Variants in KPNA7 observed in about 807,000 individuals in gnomAD.
The protein encoded by KPNA7 is importin subunit alpha-8.
A neutral mutation model predicts 53.7 loss-of-function variants in KPNA7; 54 were observed. The observed-to-expected ratio is 1.01, with a 90% CI of 0.81 to 1.26. KPNA7 has a LOEUF of 1.26. Ranked by LOEUF, KPNA7 falls within the 50% of genes most tolerant of loss-of-function variation. The pLI, the probability that KPNA7 is intolerant of heterozygous loss-of-function variation, is 0.00. For missense variants in KPNA7, 640 were observed against 644.5 expected (o/e 0.99, Z 0.07); for synonymous variants, 276 against 259.3 (o/e 1.06, Z -0.62).
chr7:99,185,283 C>G, intron 7 of KPNA7, 121 bp from the exon 8 acceptor site: 1 of 688,724 alleles, frequency 1.5e-6, no homozygotes, highest in Non-Finnish European at 2.5e-6. Context: ...TGTCTGACAG[C>G]CTGTGAACAG....
the KPNA7 span, among the ~76,000 whole-genome samples, chr7:99,151,558 C>T: frequency 1.3e-5 from 2 of 151,448 alleles, no homozygotes; most frequent in African/African-American, 4.8e-5. Flanking sequence ...TTGACTGATC[C>T]TCCAGCCTCA....
chr7:99,201,290 T>A (rs1790521584), intron 3 of KPNA7, among the ~76,000 whole-genome samples: 1 of 152,130 alleles, frequency 6.6e-6, no homozygotes, highest in South Asian at 2.1e-4. Context: ...GTTGCACAAC[T>A]TTGTGACTAT....
chr7:99,164,072 CA>C, the KPNA7 span, among the ~76,000 whole-genome samples: 4 of 150,296 alleles, frequency 2.7e-5, no homozygotes, highest in African/African-American at 9.8e-5. Flanking sequence ...TTGTGGAAGT[CA>C]GTGTGGTGAT....
chr7:99,182,326 T>C (rs1229518369), intron 8 of KPNA7, among the ~76,000 whole-genome samples: 1 of 152,134 alleles, frequency 6.6e-6, no homozygotes, highest in African/African-American at 2.4e-5. Context: ...GCCTCCTGAG[T>C]AGCTGGGACT....
the KPNA7 span, among the ~76,000 whole-genome samples, chr7:99,149,352 T>G: frequency 6.6e-6 from 1 of 152,178 alleles, no homozygotes; most frequent in African/African-American, 2.4e-5. Flanking sequence ...AGGCCCACAC[T>G]CTATCCAGCC....
At chr7:99,185,185 C>T (rs972529850) in intron 7 of KPNA7, 23 bp from the exon 8 acceptor site, 1 of 1,501,492 alleles carries the variant, frequency 6.7e-7, no homozygotes, top group African/African-American at 1.4e-5. Flanking sequence ...GGCTAGAAGT[C>T]TAAGTATTTC....
At chr7:99,196,786 G>A (rs1291933324) in intron 3 of KPNA7, among the ~76,000 whole-genome samples, 2 of 152,038 alleles carry the variant, frequency 1.3e-5, no homozygotes, top group Non-Finnish European at 2.9e-5. Flanking sequence ...CTCATTCCCA[G>A]AAAATTATTA....
At chr7:99,195,854 G>T (rs909915598) in intron 4 of KPNA7, among the ~76,000 whole-genome samples, 7 of 152,162 alleles carry the variant, frequency 4.6e-5, no homozygotes, top group Non-Finnish European at 7.3e-5. Context: ...TTTCTGTAGA[G>T]GCCAATGTAA....
chr7:99,158,386 G>C, the KPNA7 span, among the ~76,000 whole-genome samples: 4 of 151,738 alleles, frequency 2.6e-5, no homozygotes, highest in African/African-American at 9.7e-5. Flanking sequence ...TCAGATTTCA[G>C]ACCTCCAGTT....
chr7:99,179,234 AT>A (rs1799052469), intron 9 of KPNA7, among the ~76,000 whole-genome samples: 5 of 151,898 alleles, frequency 3.3e-5, no homozygotes, highest in Admixed American at 2.6e-4. Flanking sequence ...TACTTTGAAG[AT>A]TTTCAGATGG....
intron 6 of KPNA7, among the ~76,000 whole-genome samples, chr7:99,190,208 G>A (rs781091095): frequency 9.9e-5 from 15 of 151,880 alleles, no homozygotes; most frequent in Non-Finnish European, 1.6e-4. Flanking sequence ...GGGGTGGCAT[G>A]TGCCTGTAAT....
intron 3 of KPNA7, among the ~76,000 whole-genome samples, chr7:99,198,233 A>G (rs551155024): frequency 3.9e-5 from 6 of 152,144 alleles, no homozygotes; most frequent in Non-Finnish European, 8.8e-5. Context: ...AAAAAAAACA[A>G]CAACAAAAAA....
upstream of KPNA7, among the ~76,000 whole-genome samples, chr7:99,211,357 G>T (rs1166705735): frequency 6.6e-6 from 1 of 152,216 alleles, no homozygotes; most frequent in Admixed American, 6.5e-5. Context: ...GGGAGGCAGA[G>T]GTTGCAGTGA....
chr7:99,182,042 CTCTTTCT>C lies in KPNA7; in HGVS notation c.1151_1157del (p.Gln384ArgfsTer18). 6.5e-7 allele frequency: 1 copy of C among 1,541,424 alleles called. No individual in the cohort carries two copies. The highest frequency in any genetic ancestry group is 8.8e-7 in the Non-Finnish European group (1 of 1,139,430). ...CAAAGTTCGCCACCATCCAGACAGC[CTCTTTCT>C]GGACTTTAAATTCTCCCTGCAGAAC... On this transcript the variant is annotated frameshift_variant, in exon 9 of 11. Coordinates refer to ENST00000327442, the MANE Select transcript of KPNA7 (RefSeq NM_001145715.3). LOFTEE classifies it high-confidence loss of function.
At chr7:99,169,742 AAAG>A (rs1256686836), downstream of KPNA7, among the ~76,000 whole-genome samples, 2 of 150,320 alleles carry the variant, frequency 1.3e-5, no homozygotes, top group African/African-American at 4.9e-5. Context: ...GCCCATGAAA[AAAG>A]ATCTGCAGCT....
At chr7:99,169,357 C>T (rs897901294), downstream of KPNA7, among the ~76,000 whole-genome samples, 8 of 152,026 alleles carry the variant, frequency 5.3e-5, no homozygotes, top group Non-Finnish European at 7.4e-5. Context: ...CAGTGGCTCA[C>T]GCCTGTAATC....
At chr7:99,156,155 A>G in the KPNA7 span, among the ~76,000 whole-genome samples, 1 of 151,994 alleles carries the variant, frequency 6.6e-6, no homozygotes, top group Non-Finnish European at 1.5e-5. Flanking sequence ...TCCTTTCTTG[A>G]TGGAGTACAT....
intron 1 of KPNA7, among the ~76,000 whole-genome samples, chr7:99,217,462 G>A (rs889414424): frequency 1.3e-5 from 2 of 152,086 alleles, no homozygotes; most frequent in Non-Finnish European, 2.9e-5. Flanking sequence ...GAGGGGTTCA[G>A]GGATCCCAGC....
At chr7:99,174,248 T>C (rs1224127840) in intron 10 of KPNA7, among the ~76,000 whole-genome samples, 2 of 151,984 alleles carry the variant, frequency 1.3e-5, no homozygotes, top group East Asian at 3.9e-4. Flanking sequence ...ATGCTCCTTA[T>C]GAGAATCTAG....
Sources: allele counts gnomAD v4.1 joint callset (sites outside exome capture counted in the v4.1 genomes callset), GRCh38; gene constraint gnomAD v4.1.1; transcripts MANE v1.5; gene names NCBI Gene and HGNC (gene_info 2026-07-23, HGNC 2026-07-21).